ZNF521: variants seen among roughly 807,000 people sequenced by gnomAD.
The protein encoded by ZNF521 is LYST-interacting protein 3.
A neutral mutation model predicts 105.5 loss-of-function variants in ZNF521; 14 were observed. The observed-to-expected ratio is 0.13, with a 90% confidence interval of 0.09 to 0.21. The LOEUF (loss-of-function observed/expected upper bound fraction) is 0.21, where lower values mean the gene tolerates loss of function less well. Ranked by LOEUF, ZNF521 falls within the 10% of genes least tolerant of loss-of-function variation. ZNF521 has a pLI of 1.00. For synonymous variants in ZNF521, 635 were observed against 606.0 expected (o/e 1.05, Z -0.70); for missense variants, 1,233 against 1,629.7 (o/e 0.76, Z 4.19).
chr18:25,189,562 T>A (rs1005467568), intron 5 of ZNF521, among the ~76,000 whole-genome samples: 1 of 152,200 alleles, frequency 6.6e-6, no homozygotes. Context: ...CATCCTGAGA[T>A]CTATAAGGCA....
intron 3 of ZNF521, among the ~76,000 whole-genome samples, chr18:25,274,616 A>C (rs1035681896): frequency 2.0e-5 from 3 of 152,230 alleles, no homozygotes; most frequent in Non-Finnish European, 4.4e-5. Flanking sequence ...TGGAAGGAAA[A>C]TGTAACAAAG....
chr18:25,227,098 G>A lies in ZNF521; in HGVS notation c.820C>T (p.Pro274Ser). 1.9e-6 allele frequency: 3 copies of A among 1,614,138 alleles called. No homozygotes were observed. Among genetic ancestry groups the A allele is most frequent in the Non-Finnish European group, 2.5e-6 (3 of 1,180,010 alleles). Residue 274 changes from proline (P) to serine (S), a missense_variant, in exon 4 of 8, where the codon CCA (proline) becomes TCA (serine). Coordinates refer to ENST00000361524, the MANE Select transcript of ZNF521 (RefSeq NM_015461.3). This position sits in a 1 kb window ranked among gnomAD's most constrained non-coding sequence, Gnocchi z 5.7. The part of the protein sequence containing the change: ...HIAECHPECS[P>S]NEDRAALQCV... ...TGGAGGGCCGCTCGGTCCTCATTTGGGGAGCATTCGGGGTGGCACTCTGCA... is the reference window on the plus strand; with the variant it reads ...TGGAGGGCCGCTCGGTCCTCATTTGAGGAGCATTCGGGGTGGCACTCTGCA...
intron 2 of ZNF521, among the ~76,000 whole-genome samples, chr18:25,322,535 C>CAA (rs71902592): frequency 9.3e-6 from 1 of 107,334 alleles, no homozygotes; most frequent in East Asian, 2.7e-4. Flanking sequence ...GTCTCCAATG[C>CAA]AAAAAAAAAA....
chr18:25,158,884 A>T (rs1046116914), intron 5 of ZNF521, among the ~76,000 whole-genome samples: 1 of 152,014 alleles, frequency 6.6e-6, no homozygotes, highest in African/African-American at 2.4e-5. Flanking sequence ...TGAACCCAGA[A>T]GGTGGAGGTT....
chr18:25,137,003 T>G (rs554231676), intron 5 of ZNF521, among the ~76,000 whole-genome samples: 30 of 152,074 alleles, frequency 2.0e-4, no homozygotes, highest in Non-Finnish European at 3.8e-4. Context: ...CCCAAAAGGA[T>G]CCTCCTCTGT....
At chr18:25,268,990 G>T (rs1909457094) in intron 3 of ZNF521, among the ~76,000 whole-genome samples, 1 of 151,816 alleles carries the variant, frequency 6.6e-6, no homozygotes, top group African/African-American at 2.4e-5. Context: ...CTAGCAAATT[G>T]GATAAAGAGT....
At position 25,224,658 on chromosome 18, in the gene ZNF521, C is replaced by T. The variant is rs767151705; in HGVS notation, c.3260G>A (p.Gly1087Asp). Residue 1087 changes from glycine to aspartate, a missense_variant, in exon 4 of 8, where the codon GGC becomes GAC. Physicochemically the swap from Gly to Asp is moderately conservative, Grantham distance 94. Coordinates refer to ENST00000361524, the MANE Select transcript of ZNF521 (RefSeq NM_015461.3). ...GCCGGCACACAGACCATATGGCAGG[C>T]CATTGATATCAAGTTTCACCAGATC... ...KQDLVKLDIN[G>D]LPYGLCAGCV... 2 of 1,614,060 alleles carry T rather than the reference C, an allele frequency of 1.2e-6. No individual in the cohort carries two copies. Among genetic ancestry groups the T allele is most frequent in the Non-Finnish European group, 1.7e-6 (2 of 1,180,010 alleles).
intron 5 of ZNF521, among the ~76,000 whole-genome samples, chr18:25,111,244 T>C (rs760626390): frequency 1.3e-5 from 2 of 152,154 alleles, no homozygotes; most frequent in African/African-American, 2.4e-5. Context: ...ATTTTAAGAA[T>C]GAGATTAAAA....
intron 3 of ZNF521, among the ~76,000 whole-genome samples, chr18:25,287,181 C>T (rs1910754100): frequency 6.6e-6 from 1 of 152,170 alleles, no homozygotes; most frequent in African/African-American, 2.4e-5. Flanking sequence ...AAGAAACACT[C>T]CTGGGGGGCC....
At chr18:25,260,329 G>A (rs1352019313) in intron 3 of ZNF521, among the ~76,000 whole-genome samples, 1 of 152,080 alleles carries the variant, frequency 6.6e-6, no homozygotes, top group Admixed American at 6.5e-5. Context: ...GTAAGCTAAG[G>A]TTGGTAGTTT....
intron 5 of ZNF521, among the ~76,000 whole-genome samples, chr18:25,145,781 G>A (rs565232289): frequency 1.6e-4 from 25 of 152,236 alleles, no homozygotes; most frequent in African/African-American, 5.8e-4. Context: ...AACAGCATTC[G>A]AAATTCCAGC....
chr18:25,075,062 A>C (rs905471065), intron 7 of ZNF521, among the ~76,000 whole-genome samples: 4 of 152,194 alleles, frequency 2.6e-5, no homozygotes, highest in African/African-American at 9.7e-5. Flanking sequence ...GCCAGGCGGC[A>C]GGCATGGTGC....
At chr18:25,110,123 A>T (rs1047623842) in intron 5 of ZNF521, among the ~76,000 whole-genome samples, 2 of 152,232 alleles carry the variant, frequency 1.3e-5, no homozygotes, top group African/African-American at 2.4e-5. Flanking sequence ...GTGTGTTTAG[A>T]CAGGAGAAAG....
chr18:25,328,675 C>T (rs1460193906), intron 2 of ZNF521, among the ~76,000 whole-genome samples: 1 of 151,952 alleles, frequency 6.6e-6, no homozygotes, highest in Non-Finnish European at 1.5e-5. Context: ...GCCTCAGCCT[C>T]CTGAGTAGCT....
chr18:25,087,816 C>G (rs2033656509), intron 7 of ZNF521, among the ~76,000 whole-genome samples: 1 of 152,198 alleles, frequency 6.6e-6, no homozygotes, highest in Admixed American at 6.5e-5. Flanking sequence ...AAGATAGTAA[C>G]TTTAATTTGG....
intron 3 of ZNF521, among the ~76,000 whole-genome samples, chr18:25,229,827 T>A (rs1226865149): frequency 6.6e-6 from 1 of 152,210 alleles, no homozygotes; most frequent in Admixed American, 6.5e-5. Flanking sequence ...GAATTTGTAA[T>A]GCATCCAGCC....
chr18:25,159,671 G>C (rs2035215033), intron 5 of ZNF521, among the ~76,000 whole-genome samples: 1 of 152,186 alleles, frequency 6.6e-6, no homozygotes, highest in African/African-American at 2.4e-5. Flanking sequence ...ACTTGGGAGA[G>C]GAAAGAAGCT....
rs934091557 is a variant in ZNF521 at position 25,335,913 on chromosome 18, G to C, written c.41-13726C>G. Reference sequence around the variant, plus strand: ...AGGGCCAGCAGAGTCAAGCAATCTGGAAGTGGGGCCTGGGTGATTTCACAA... The same window carrying C: ...AGGGCCAGCAGAGTCAAGCAATCTGCAAGTGGGGCCTGGGTGATTTCACAA... On this transcript the variant is annotated intron_variant, in intron 2 of 7. Transcript: ENST00000361524. Among the ~76,000 whole-genome samples the C allele has an allele frequency of 5.3e-5, 8 of 152,330 alleles. No homozygotes were observed. In the East Asian group the frequency reaches 1.5e-3, roughly 29 times the overall value.
chr18:25,140,780 T>A (rs2034832390), intron 5 of ZNF521, among the ~76,000 whole-genome samples: 1 of 152,096 alleles, frequency 6.6e-6, no homozygotes, highest in South Asian at 2.1e-4. Flanking sequence ...TCCTGAAGAT[T>A]TTTTAGTGTA....
Sources: gnomAD v4.1 joint callset for allele counts (sites outside exome capture counted in the v4.1 genomes callset) on GRCh38, gnomAD v4.1.1 for gene constraint, Gnocchi (gnomAD v3.1) non-coding constraint, MANE v1.5 for transcripts, NCBI Gene and HGNC (gene_info 2026-07-23, HGNC 2026-07-21) for gene names.